BACH2: variants seen among roughly 807,000 people sequenced by gnomAD.
BACH2 encodes transcription regulator protein BACH2.
In BACH2, 5 loss-of-function variants were observed where a neutral mutation model predicts 61.8. That is an observed-to-expected ratio of 0.08 (90% confidence interval 0.04 to 0.17). BACH2 has a LOEUF of 0.17. Ranked by LOEUF, BACH2 falls within the 10% of genes least tolerant of loss-of-function variation. The pLI is 1.00. For synonymous variants in BACH2, 446 were observed against 440.1 expected (o/e 1.01, Z -0.17); for missense variants, 824 against 1,091.1 (o/e 0.76, Z 3.45).
At chr6:90,229,795 A>G (rs868375369) in intron 3 of BACH2, among the ~76,000 whole-genome samples, 15 of 152,210 alleles carry the variant, frequency 9.9e-5, no homozygotes, top group African/African-American at 3.6e-4. Context: ...TAGGAGAGAG[A>G]AACTAGGCAT....
intron 3 of BACH2, among the ~76,000 whole-genome samples, chr6:90,213,500 C>A (rs1425943457): frequency 6.6e-6 from 1 of 152,264 alleles, no homozygotes; most frequent in Admixed American, 6.5e-5. Flanking sequence ...TAGGGCTTCA[C>A]TGCCCACAGA....
intron 1 of BACH2, among the ~76,000 whole-genome samples, chr6:90,296,154 T>G (rs1326912073): frequency 1.3e-5 from 2 of 152,062 alleles, no homozygotes; most frequent in Non-Finnish European, 1.5e-5. Context: ...TATTACTCTC[T>G]GCTCCTCCTC....
intron 3 of BACH2, among the ~76,000 whole-genome samples, chr6:90,232,266 T>C (rs1352858453): frequency 6.6e-6 from 1 of 152,190 alleles, no homozygotes; most frequent in Non-Finnish European, 1.5e-5. Flanking sequence ...TGCCTTAATC[T>C]GTGGCCCAGG....
chr6:90,262,566 G>GTACAGACC (rs920830382), intron 2 of BACH2, among the ~76,000 whole-genome samples: 1 of 152,100 alleles, frequency 6.6e-6, no homozygotes, highest in Non-Finnish European at 1.5e-5. Context: ...AATGAATGAT[G>GTACAGACC]TACAGACCCA....
At chr6:90,186,249 A>G (rs1399255810) in intron 4 of BACH2, among the ~76,000 whole-genome samples, 1 of 152,188 alleles carries the variant, frequency 6.6e-6, no homozygotes, top group Non-Finnish European at 1.5e-5. Flanking sequence ...ACACACACAA[A>G]AAATGTTCCA....
chr6:89,995,378 C>T (rs900858078), intron 6 of BACH2, among the ~76,000 whole-genome samples: 20 of 152,124 alleles, frequency 1.3e-4, no homozygotes, highest in Non-Finnish European at 2.4e-4. Flanking sequence ...ATACCGACTA[C>T]GCCAGTGGGG....
intron 5 of BACH2, among the ~76,000 whole-genome samples, chr6:90,055,994 C>G (rs1156791709): frequency 6.6e-6 from 1 of 152,100 alleles, no homozygotes; most frequent in Non-Finnish European, 1.5e-5. Flanking sequence ...AAAGGAACAA[C>G]TGGTACCAGC....
chr6:90,173,375 C>T (rs1289685797), intron 4 of BACH2, among the ~76,000 whole-genome samples: 1 of 151,982 alleles, frequency 6.6e-6, no homozygotes, highest in African/African-American at 2.4e-5. Flanking sequence ...CAACTTTATC[C>T]ACAATAGTTG....
rs553893794 is a variant in BACH2, at chr6:90,058,661, G to A, written c.-13+30300C>T. On this transcript the variant is annotated intron_variant, in intron 5 of 8. Coordinates refer to ENST00000257749, the MANE Select transcript of BACH2 (RefSeq NM_021813.4). Reference sequence around the variant, plus strand: ...ATGGAACCAAAAAAGAGCCCGCATCGCCAAGTCAATCCTAAGCCAAAAGAA... The same window carrying A: ...ATGGAACCAAAAAAGAGCCCGCATCACCAAGTCAATCCTAAGCCAAAAGAA... Among the ~76,000 whole-genome samples the A allele has an allele frequency of 3.5e-4, 53 of 152,138 alleles. 1 individual carries two copies. The highest frequency in any genetic ancestry group is 5.1e-4 in the Non-Finnish European group (35 of 68,002).
At chr6:90,295,682 T>TGG (rs1772330167) in intron 1 of BACH2, among the ~76,000 whole-genome samples, 1 of 149,840 alleles carries the variant, frequency 6.7e-6, no homozygotes, top group African/African-American at 2.5e-5. Context: ...TGTGTGTGTG[T>TGG]GTTGCACCTT....
intron 4 of BACH2, among the ~76,000 whole-genome samples, chr6:90,103,029 A>ATATATATATATATTTTTTTTTTT: frequency 1.9e-4 from 4 of 21,160 alleles, no homozygotes; most frequent in African/African-American, 9.7e-4. Context: ...ATATATATAT[A>ATATATATATATATTTTTTTTTTT]TTTTTTTTTT....
chr6:90,133,648 G>A (rs923870242), intron 4 of BACH2, among the ~76,000 whole-genome samples: 2 of 151,992 alleles, frequency 1.3e-5, no homozygotes, highest in South Asian at 2.1e-4. Flanking sequence ...TGATTAAGTC[G>A]TCATTTAACA....
chr6:90,055,134 C>A (rs4707590), intron 5 of BACH2, among the ~76,000 whole-genome samples: 76,802 of 151,382 alleles, frequency 0.51, 21,971 homozygotes, highest in East Asian at 0.9. Flanking sequence ...AATGACTTTG[C>A]TGAGTTGAGA....
intron 6 of BACH2, among the ~76,000 whole-genome samples, chr6:89,997,240 G>T (rs1776900495): frequency 6.6e-6 from 1 of 152,156 alleles, no homozygotes; most frequent in African/African-American, 2.4e-5. Flanking sequence ...TTGTTAAACA[G>T]AACTTTGAAA....
intron 1 of BACH2, among the ~76,000 whole-genome samples, chr6:90,278,905 A>G (rs1031864109): frequency 6.6e-6 from 1 of 152,234 alleles, no homozygotes; most frequent in African/African-American, 2.4e-5. Flanking sequence ...TAAAAAGTAA[A>G]AAGGAACAGG....
chr6:90,042,356 C>G (rs530705218), intron 5 of BACH2, among the ~76,000 whole-genome samples: 100 of 143,544 alleles, frequency 7.0e-4, no homozygotes, highest in African/African-American at 2.5e-3. Context: ...CTGCACTCAG[C>G]TAGTTTTTTG....
At chr6:90,042,751 T>A (rs1342486956) in intron 5 of BACH2, among the ~76,000 whole-genome samples, 3 of 152,248 alleles carry the variant, frequency 2.0e-5, no homozygotes. Flanking sequence ...TACATACCTA[T>A]AATCTTTAAT....
chr6:89,961,880 T>G (rs1207216498), intron 6 of BACH2, among the ~76,000 whole-genome samples: 1 of 152,226 alleles, frequency 6.6e-6, no homozygotes, highest in Non-Finnish European at 1.5e-5. Context: ...CAGATTTCAC[T>G]GTCACTTATT....
chr6:90,237,203 G>A (rs1320325998), intron 3 of BACH2, among the ~76,000 whole-genome samples: 2 of 152,154 alleles, frequency 1.3e-5, no homozygotes, highest in Non-Finnish European at 1.5e-5. Context: ...GATTACAGGC[G>A]TGAGCCACTG....
Sources: allele counts gnomAD v4.1 joint callset (sites outside exome capture counted in the v4.1 genomes callset), GRCh38; gene constraint gnomAD v4.1.1; transcripts MANE v1.5; gene names NCBI Gene and HGNC (gene_info 2026-07-23, HGNC 2026-07-21).